EP300: variants seen among roughly 807,000 people sequenced by gnomAD.
EP300 encodes EP300 lysine acetyltransferase, also known as histone acetyltransferase p300.
Under a neutral mutation model 264.0 loss-of-function variants are expected in EP300, and 31 were observed. The ratio of observed to expected loss-of-function variants is 0.12; its 90% CI spans 0.09 to 0.16. EP300 has a LOEUF of 0.16. EP300 is among the 10% of genes least tolerant of loss of function. The pLI is 1.00. For missense variants in EP300, 2,766 were observed against 3,052.9 expected (o/e 0.91, Z 2.21); for synonymous variants, 1,340 against 1,045.4 (o/e 1.28, Z -5.44).
At chr22:41,113,086 C>G (rs896178968) in intron 1 of EP300, among the ~76,000 whole-genome samples, 2 of 150,332 alleles carry the variant, frequency 1.3e-5, no homozygotes, top group African/African-American at 4.9e-5. Context: ...ATTTCTCAGT[C>G]TGTACCTAAA....
Position 41,176,252 on chromosome 22 carries a change from C to T in EP300, c.4785C>T (p.Phe1595=), listed in dbSNP as rs1451036964. 6.8e-6 allele frequency: 11 copies of T among 1,614,068 alleles called. No individual in the cohort carries two copies. The highest frequency in any genetic ancestry group is 3.3e-4 in the Middle Eastern group (2 of 6,084). The part of the protein sequence containing the change: ...YATMEKHKEV[F]FVIRLIAGPA... ...AGAGACTGTCTGTTTTTCAGGTCTT[C>T]TTTGTGATCCGCCTCATTGCTGGCC... The change falls in exon 30 of 31, where the codon TTC becomes TTT. Residue 1595 remains phenylalanine (F), a synonymous_variant. Transcript: ENST00000263253.
chr22:41,158,120 C>A (rs1466981915), intron 18 of EP300, among the ~76,000 whole-genome samples: 1 of 152,216 alleles, frequency 6.6e-6, no homozygotes, highest in East Asian at 1.9e-4. Context: ...TGGGCTCACG[C>A]AGTCTTCCCA....
Position 41,131,630 on chromosome 22 carries a change from A to C in EP300, c.1525A>C (p.Met509Leu), listed in dbSNP as rs1333033420. The change falls in exon 6 of 31, where the codon ATG becomes CTG. Residue 509 changes from methionine (M) to leucine (L), a missense_variant. Transcript: ENST00000263253. ...CCAAGGCATGCGGCCCATGAGCAAC[A>C]TGAGTAAGTTTGTGTCATCCTAATA... ...SPQGMRPMSN[M>L]SASPMGVNGG... is the part of the protein sequence containing the mutation. 6.2e-7 allele frequency: 1 copy of C among 1,614,134 alleles called. No individual in the cohort carries two copies. Among genetic ancestry groups the C allele is most frequent in the Admixed American group, 1.7e-5 (1 of 60,020 alleles).
intron 2 of EP300, among the ~76,000 whole-genome samples, chr22:41,120,290 CA>C (rs1405029200): frequency 6.6e-6 from 1 of 152,152 alleles, no homozygotes; most frequent in Non-Finnish European, 1.5e-5. Flanking sequence ...AGACCAGCCC[CA>C]GCAACATAGT....
intron 16 of EP300, among the ~76,000 whole-genome samples, chr22:41,154,605 C>G (rs1044375134): frequency 1.3e-5 from 2 of 151,912 alleles, no homozygotes; most frequent in African/African-American, 4.8e-5. Flanking sequence ...AACTTCTGAC[C>G]TCAAAGTGAT....
intron 29 of EP300, 100 bp from the exon 30 acceptor site, chr22:41,176,147 G>A: frequency 7.3e-7 from 1 of 1,375,602 alleles, no homozygotes. Flanking sequence ...TTGAGCCCAG[G>A]AGGCAGAGGT....
At chr22:41,164,278 T>A (rs1768154931) in intron 22 of EP300, 148 bp downstream of exon 22, 1 of 772,638 alleles carries the variant, frequency 1.3e-6, no homozygotes, top group Admixed American at 2.6e-5. Context: ...TAATTATAGT[T>A]CGCTTTTTAA....
rs2273227 is a variant in EP300, at chr22:41,148,955, G to A, written c.2242-83G>A. On this transcript the variant is annotated intron_variant, in intron 12 of 30. Transcript: ENST00000263253. ...CTTTTCTCTACTTAATAAGCCTGAC[G>A]TTAGGAGCATTTGATGATTTTAGTT... 0.012 allele frequency: 19,525 copies of A among 1,593,756 alleles called. 1,398 individuals are homozygous for A. In the East Asian group the frequency reaches 0.18, roughly 15 times the overall value.
chr22:41,110,282 ATTTTTTTTTTTTTTT>A (rs71200660), intron 1 of EP300, among the ~76,000 whole-genome samples: 51 of 48,218 alleles, frequency 1.1e-3, no homozygotes, highest in African/African-American at 1.5e-3. Context: ...TATCCAGCTA[ATTTTTTTTTTTTTTT>A]TTTTTTTTTT....
At chr22:41,105,784 G>A (rs918985039) in intron 1 of EP300, among the ~76,000 whole-genome samples, 4 of 152,180 alleles carry the variant, frequency 2.6e-5, no homozygotes, top group African/African-American at 9.7e-5. Context: ...AGGACCATGT[G>A]AAGAGTACAT....
intron 1 of EP300, among the ~76,000 whole-genome samples, chr22:41,113,515 C>G: frequency 6.6e-6 from 1 of 152,228 alleles, no homozygotes; most frequent in African/African-American, 2.4e-5. Flanking sequence ...TCAGGAGACT[C>G]ACTGGAGAGT....
At chr22:41,162,533 A>G (rs1166020275) in intron 20 of EP300, among the ~76,000 whole-genome samples, 190 bp from the exon 21 acceptor site, 3 of 152,226 alleles carry the variant, frequency 2.0e-5, no homozygotes, top group African/African-American at 4.8e-5. Context: ...TTTATTTACT[A>G]TGAAGTCCTA....
chr22:41,155,623 C>G (rs1377561780), intron 17 of EP300, among the ~76,000 whole-genome samples: 1 of 152,162 alleles, frequency 6.6e-6, no homozygotes, highest in African/African-American at 2.4e-5. Flanking sequence ...TTAACAGTCA[C>G]TCACTATTTT....
chr22:41,143,680 AT>A (rs1193931096), intron 10 of EP300, among the ~76,000 whole-genome samples: 5 of 151,808 alleles, frequency 3.3e-5, no homozygotes, highest in Non-Finnish European at 4.4e-5. Context: ...GATTCAGTTG[AT>A]TCTTGTACCT....
At chr22:41,138,310 C>T (rs564599719) in intron 8 of EP300, among the ~76,000 whole-genome samples, 14 of 152,078 alleles carry the variant, frequency 9.2e-5, no homozygotes, top group African/African-American at 1.9e-4. Flanking sequence ...ACTACAGGCA[C>T]GTGCCACCTC....
chr22:41,169,713 T>C, intron 26 of EP300, 97 bp downstream of exon 26: 1 of 754,334 alleles, frequency 1.3e-6, no homozygotes, highest in Non-Finnish European at 2.3e-6. Context: ...TTGGCCTTTT[T>C]TTCCTCATTT....
At chr22:41,093,653 A>G (rs528261589) in intron 1 of EP300, among the ~76,000 whole-genome samples, 2 of 152,308 alleles carry the variant, frequency 1.3e-5, no homozygotes, top group South Asian at 4.1e-4. Flanking sequence ...CTTACCTACC[A>G]TTCTTAGCTT....
chr22:41,133,378 T>G (rs2058931857), intron 6 of EP300, among the ~76,000 whole-genome samples: 1 of 152,130 alleles, frequency 6.6e-6, no homozygotes, highest in African/African-American at 2.4e-5. Context: ...CTTGAACTCC[T>G]GACCTCAGGT....
intron 10 of EP300, among the ~76,000 whole-genome samples, chr22:41,142,768 C>A (rs987948554): frequency 6.6e-6 from 1 of 151,992 alleles, no homozygotes; most frequent in South Asian, 2.1e-4. Context: ...CACCTGTAGT[C>A]CCAGCTACTC....
Sources: gnomAD v4.1 joint callset for allele counts (sites outside exome capture counted in the v4.1 genomes callset) on GRCh38, gnomAD v4.1.1 for gene constraint, MANE v1.5 for transcripts, NCBI Gene and HGNC (gene_info 2026-07-23, HGNC 2026-07-21) for gene names.